The following EYS variants were observed in gnomAD, a reference collection of about 807,000 sequenced individuals.
EYS encodes protein eyes shut homolog.
A neutral mutation model predicts 282.1 loss-of-function variants in EYS; 250 were observed. That is an observed-to-expected ratio of 0.89 (90% CI 0.80 to 0.98). EYS has a LOEUF of 0.98. Ranked by LOEUF, EYS falls within the 50% of genes least tolerant of loss-of-function variation. The pLI is 0.00. For missense variants in EYS, 4,016 were observed against 3,709.0 expected, an observed-to-expected ratio of 1.08 and a Z score of -2.15; for synonymous variants, 1,355 against 1,282.9, an observed-to-expected ratio of 1.06 and a Z score of -1.20.
chr6:63,766,564 G>T (rs1049500686), intron 40 of EYS, among the ~76,000 whole-genome samples: 1 of 152,050 alleles, frequency 6.6e-6, no homozygotes, highest in African/African-American at 2.4e-5. Context: ...CAAGGCTTTG[G>T]TAAGTGTGTT....
intron 19 of EYS, among the ~76,000 whole-genome samples, chr6:64,841,545 A>T (rs1316728451): frequency 1.3e-5 from 2 of 152,168 alleles, no homozygotes; most frequent in Non-Finnish European, 2.9e-5. Flanking sequence ...CAAATTTTAA[A>T]AGGCTGATGT....
rs149427091 is a variant in EYS, at chr6:64,347,528, C to G, written c.6079-40446G>C. ...GCATTTTTATATTTGTTGAAGCTGG[C>G]AGATGGCTATAGTGGGTTTGTCATA... is the stretch of plus-strand genomic sequence containing the variant. On this transcript the variant is annotated intron_variant, in intron 29 of 42. Transcript: ENST00000503581. Among the ~76,000 whole-genome samples the G allele has an allele frequency of 3.0e-3, 453 of 151,162 alleles. 2 individuals carry two copies. The highest frequency in any genetic ancestry group is 5.3e-3 in the Non-Finnish European group (359 of 67,466).
chr6:64,743,361 C>G (rs900799357), intron 22 of EYS, among the ~76,000 whole-genome samples: 1 of 152,018 alleles, frequency 6.6e-6, no homozygotes. Flanking sequence ...CACATCTGGC[C>G]AAACCACATA....
chr6:65,608,587 G>T (rs959915483), intron 2 of EYS, among the ~76,000 whole-genome samples: 8 of 151,670 alleles, frequency 5.3e-5, no homozygotes, highest in Non-Finnish European at 1.0e-4. Context: ...TAACATTTTA[G>T]GTTTATTTAC....
At chr6:64,540,474 G>A in intron 26 of EYS, among the ~76,000 whole-genome samples, 1 of 127,782 alleles carries the variant, frequency 7.8e-6, no homozygotes, top group Admixed American at 9.2e-5. Flanking sequence ...TCCAAGTACA[G>A]ATTTTTTTTT....
intron 31 of EYS, among the ~76,000 whole-genome samples, chr6:64,155,086 A>G (rs529792325): frequency 6.6e-6 from 1 of 152,308 alleles, no homozygotes; most frequent in African/African-American, 2.4e-5. Flanking sequence ...AGTCGAGGAG[A>G]ATGGGCATCT....
At chr6:65,692,801 G>C (rs200796808) in intron 1 of EYS, among the ~76,000 whole-genome samples, 1 of 149,940 alleles carries the variant, frequency 6.7e-6, no homozygotes, top group East Asian at 2.3e-4. Flanking sequence ...AAGGTGGAAA[G>C]ACAATTTTCA....
chr6:65,091,377 G>A (rs952346046), intron 12 of EYS, among the ~76,000 whole-genome samples: 8 of 151,346 alleles, frequency 5.3e-5, no homozygotes, highest in Admixed American at 2.0e-4. Context: ...TTGAATTTGC[G>A]GGGCAGAGGT....
intron 2 of EYS, among the ~76,000 whole-genome samples, chr6:65,501,967 C>T (rs1403954486): frequency 6.6e-6 from 1 of 151,366 alleles, no homozygotes; most frequent in African/African-American, 2.4e-5. Context: ...ATAAATTATG[C>T]CTTATTTTGT....
intron 26 of EYS, among the ~76,000 whole-genome samples, chr6:64,440,819 T>TA (rs560463587): frequency 7.0e-4 from 107 of 151,898 alleles, no homozygotes; most frequent in South Asian, 4.4e-3. Flanking sequence ...TTGATGAAAT[T>TA]AAAAAAAATT....
chr6:64,240,551 A>G (rs979615992), intron 30 of EYS, among the ~76,000 whole-genome samples: 2 of 151,736 alleles, frequency 1.3e-5, no homozygotes, highest in Non-Finnish European at 2.9e-5. Flanking sequence ...TTGGCTCTCT[A>G]TTTGTCTGTT....
chr6:64,095,721 G>T (rs185924996), intron 31 of EYS, among the ~76,000 whole-genome samples: 3 of 152,280 alleles, frequency 2.0e-5, no homozygotes, highest in African/African-American at 7.2e-5. Context: ...TTGCCAGGCT[G>T]TGTCTTTTAA....
Position 65,442,441 on chromosome 6 carries a change from C to T in EYS, c.863-37074G>A, listed in dbSNP as rs532664836. On this transcript the variant is annotated intron_variant, in intron 5 of 42. Coordinates refer to ENST00000503581, the MANE Select transcript of EYS (RefSeq NM_001142800.2). ...TTTTATTACTTCATACTGCTGTAAA[C>T]TACTGTTTTTCATAAATTTTAAAAA... 2.0e-5 allele frequency among the ~76,000 whole-genome samples: 3 copies of T among 151,904 alleles called. No homozygotes were observed. The East Asian group carries it at 5.8e-4, about 29-fold the overall frequency.
chr6:65,690,871 T>C (rs1159741524), intron 1 of EYS, among the ~76,000 whole-genome samples: 3 of 150,130 alleles, frequency 2.0e-5, no homozygotes, highest in Non-Finnish European at 1.5e-5. Context: ...CTGAGAATGA[T>C]GCTTTCCAGC....
At chr6:64,202,491 G>A (rs963043024) in intron 31 of EYS, among the ~76,000 whole-genome samples, 1 of 152,096 alleles carries the variant, frequency 6.6e-6, no homozygotes, top group Non-Finnish European at 1.5e-5. Context: ...CAGAAAATAA[G>A]TTATGTGCTA....
intron 12 of EYS, among the ~76,000 whole-genome samples, chr6:65,282,238 C>T (rs1768243877): frequency 6.6e-6 from 1 of 151,974 alleles, no homozygotes; most frequent in African/African-American, 2.4e-5. Flanking sequence ...CAAATGTTCT[C>T]ATCACAAACA....
chr6:65,149,090 C>T (rs1764550509), intron 12 of EYS, among the ~76,000 whole-genome samples: 2 of 152,084 alleles, frequency 1.3e-5, no homozygotes, highest in African/African-American at 4.8e-5. Context: ...GAGACATTTT[C>T]CCCATTATCC....
At chr6:64,434,803 G>A (rs2150462602) in intron 28 of EYS, among the ~76,000 whole-genome samples, 1 of 152,128 alleles carries the variant, frequency 6.6e-6, no homozygotes, top group Non-Finnish European at 1.5e-5. Context: ...TCCTGTTGAA[G>A]AAACTATAAT....
At chr6:64,806,058 A>G (rs988248038) in intron 22 of EYS, among the ~76,000 whole-genome samples, 1 of 151,720 alleles carries the variant, frequency 6.6e-6, no homozygotes, top group Non-Finnish European at 1.5e-5. Context: ...TAATAAGAAT[A>G]CATTAAAAAA....
Sources: gnomAD v4.1 joint callset for allele counts (sites outside exome capture counted in the v4.1 genomes callset) on GRCh38, gnomAD v4.1.1 for gene constraint, MANE v1.5 for transcripts, NCBI Gene and HGNC (gene_info 2026-07-23, HGNC 2026-07-21) for gene names.